FOXJ3: variants seen among roughly 807,000 people sequenced by gnomAD.
FOXJ3 encodes forkhead box J3.
A neutral mutation model predicts 76.1 loss-of-function variants in FOXJ3; 22 were observed. The ratio of observed to expected loss-of-function variants is 0.29; its 90% confidence interval spans 0.21 to 0.41. FOXJ3 has a LOEUF of 0.41. Ranked by LOEUF, FOXJ3 falls within the 10% of genes least tolerant of loss-of-function variation. The pLI is 1.00. For missense variants in FOXJ3, 613 were observed against 762.1 expected, an observed-to-expected ratio of 0.80 and a Z score of 2.30; for synonymous variants, 269 against 261.2, an observed-to-expected ratio of 1.03 and a Z score of -0.29.
chr1:42,222,380 T>A (rs947947551), intron 5 of FOXJ3, among the ~76,000 whole-genome samples: 1 of 152,124 alleles, frequency 6.6e-6, no homozygotes. Context: ...TGTGACCACA[T>A]AATTTATCAT....
intron 5 of FOXJ3, among the ~76,000 whole-genome samples, chr1:42,219,566 T>C (rs1647138421): frequency 6.6e-6 from 1 of 152,214 alleles, no homozygotes; most frequent in African/African-American, 2.4e-5. Flanking sequence ...AACTTGGCCT[T>C]GCGCTTACTA....
intron 1 of FOXJ3, among the ~76,000 whole-genome samples, chr1:42,329,898 G>A (rs548691851): frequency 1.1e-3 from 162 of 152,250 alleles, no homozygotes; most frequent in Non-Finnish European, 1.7e-3. Context: ...TCGTAACACA[G>A]TAAACAGAAC....
rs752211850 is a variant in FOXJ3 at position 42,179,750 on chromosome 1, T to C, written c.1829A>G (p.Asp610Gly). ...CCAATCAAAGTCATCCTGGATGTCA[T>C]CTGGAGGCAGGGAACGCCGCATCTG... ...AFQMRRSLPP[D>G]DIQDDFDWDS... is the part of the protein sequence containing the mutation. Residue 610 changes from aspartate to glycine, a missense_variant, in exon 13 of 13, where the codon GAT becomes GGT. By Grantham distance (94) the Asp-to-Gly change is moderately conservative. Around this residue, in one of 3 missense-constraint regions of FOXJ3, gnomAD observed 526 missense variants for 601.4 expected, o/e 0.87. Transcript: ENST00000361346. 1 of 1,613,994 alleles carries C rather than the reference T, an allele frequency of 6.2e-7. No homozygotes were observed. The highest frequency in any genetic ancestry group is 8.5e-7 in the Non-Finnish European group (1 of 1,179,858).
chr1:42,319,040 G>A (rs1473233397), intron 1 of FOXJ3, among the ~76,000 whole-genome samples: 2 of 152,100 alleles, frequency 1.3e-5, no homozygotes, highest in African/African-American at 4.8e-5. Flanking sequence ...AGACCAGTCT[G>A]GGCAACATGG....
chr1:42,326,427 G>A (rs951384603), intron 1 of FOXJ3, among the ~76,000 whole-genome samples: 6 of 152,074 alleles, frequency 3.9e-5, no homozygotes, highest in African/African-American at 1.4e-4. Flanking sequence ...TTCTCTCCCA[G>A]TCTTTTTTTT....
At chr1:42,195,945 C>T (rs962827684) in intron 7 of FOXJ3, among the ~76,000 whole-genome samples, 1 of 152,240 alleles carries the variant, frequency 6.6e-6, no homozygotes, top group Non-Finnish European at 1.5e-5. Context: ...GGCGAAAATT[C>T]TCATCTGCCC....
intron 1 of FOXJ3, among the ~76,000 whole-genome samples, chr1:42,319,696 A>G (rs1321931926): frequency 6.6e-6 from 1 of 152,194 alleles, no homozygotes; most frequent in Non-Finnish European, 1.5e-5. Flanking sequence ...GTTAGGAAAA[A>G]AAATAAGTTC....
intron 4 of FOXJ3, among the ~76,000 whole-genome samples, chr1:42,248,834 AC>A (rs1376711010): frequency 6.6e-6 from 1 of 150,432 alleles, no homozygotes; most frequent in Admixed American, 6.6e-5. Context: ...ACTGCACCTA[AC>A]AATCCGTCAC....
intron 2 of FOXJ3, among the ~76,000 whole-genome samples, chr1:42,288,598 A>T (rs1411918369): frequency 6.6e-6 from 1 of 152,208 alleles, no homozygotes; most frequent in Non-Finnish European, 1.5e-5. Context: ...AAGCTGCTAT[A>T]TGTGGTGTTT....
At chr1:42,209,416 T>G (rs1277830817) in intron 5 of FOXJ3, among the ~76,000 whole-genome samples, 1 of 152,202 alleles carries the variant, frequency 6.6e-6, no homozygotes, top group African/African-American at 2.4e-5. Flanking sequence ...ACACAGGAAC[T>G]TAACAGAAAA....
At chr1:42,291,962 G>C (rs2124707168) in intron 2 of FOXJ3, among the ~76,000 whole-genome samples, 1 of 152,236 alleles carries the variant, frequency 6.6e-6, no homozygotes, top group Middle Eastern at 3.4e-3. Context: ...GGGCCAGGAG[G>C]ACGGGAGCAG....
At chr1:42,323,839 A>G in intron 1 of FOXJ3, 1 of 219,388 alleles carries the variant, frequency 4.6e-6, no homozygotes, top group Non-Finnish European at 7.7e-6. Context: ...TAAGAAAAAA[A>G]GATGACGTTA....
At chr1:42,180,463 A>AG (rs1553153417) in intron 12 of FOXJ3, among the ~76,000 whole-genome samples, 1 of 149,894 alleles carries the variant, frequency 6.7e-6, no homozygotes, top group African/African-American at 2.5e-5. Flanking sequence ...ATCTTGACAG[A>AG]CCCCCCCCTT....
At chr1:42,237,743 T>A (rs1005370314) in intron 4 of FOXJ3, among the ~76,000 whole-genome samples, 16 of 151,930 alleles carry the variant, frequency 1.1e-4, no homozygotes, top group Admixed American at 5.2e-4. Flanking sequence ...CTTCCGGAAG[T>A]TTTATAGTCT....
At chr1:42,241,110 G>A (rs186174086) in intron 4 of FOXJ3, among the ~76,000 whole-genome samples, 9 of 152,316 alleles carry the variant, frequency 5.9e-5, no homozygotes, top group African/African-American at 1.9e-4. Context: ...AAAAGGATAA[G>A]TGAGTGATTC....
chr1:42,221,437 G>C (rs550953085), intron 5 of FOXJ3, among the ~76,000 whole-genome samples: 3 of 152,124 alleles, frequency 2.0e-5, no homozygotes, highest in Non-Finnish European at 4.4e-5. Flanking sequence ...AAGTAACTTG[G>C]AGCACTCACT....
intron 5 of FOXJ3, among the ~76,000 whole-genome samples, chr1:42,213,067 G>T (rs1646998160): frequency 6.7e-6 from 1 of 149,488 alleles, no homozygotes; most frequent in Admixed American, 6.7e-5. Flanking sequence ...CTGCCTACAA[G>T]AAATGCTAAA....
intron 2 of FOXJ3, among the ~76,000 whole-genome samples, chr1:42,300,619 C>T (rs1411798954): frequency 6.6e-6 from 1 of 151,936 alleles, no homozygotes; most frequent in East Asian, 1.9e-4. Context: ...CTACAAAAAA[C>T]ACAAGAAAAT....
At chr1:42,196,674 CAG>C (rs1230317703) in intron 7 of FOXJ3, among the ~76,000 whole-genome samples, 2 of 152,190 alleles carry the variant, frequency 1.3e-5, no homozygotes, top group Non-Finnish European at 2.9e-5. Context: ...GTCTGGGCGA[CAG>C]AGAGAGACTC....
Sources: allele counts gnomAD v4.1 joint callset (sites outside exome capture counted in the v4.1 genomes callset), GRCh38; gene constraint gnomAD v4.1.1; regional missense constraint gnomAD v4.1.1; transcripts MANE v1.5; gene names NCBI Gene and HGNC (gene_info 2026-07-23, HGNC 2026-07-21).